The following TRIM14 variants were observed in gnomAD, a reference collection of about 807,000 sequenced individuals.
TRIM14 encodes tripartite motif-containing protein 14.
A neutral mutation model predicts 44.5 loss-of-function variants in TRIM14; 28 were observed. The ratio of observed to expected loss-of-function variants is 0.63; its 90% CI spans 0.47 to 0.86. The LOEUF is 0.86. TRIM14 is among the 40% of genes least tolerant of loss of function. The pLI is 0.00. For missense variants in TRIM14, 607 were observed against 611.1 expected (o/e 0.99, Z 0.07); for synonymous variants, 299 against 269.2 (o/e 1.11, Z -1.08).
the TRIM14 span, among the ~76,000 whole-genome samples, chr9:98,038,785 T>A: frequency 6.6e-6 from 1 of 152,036 alleles, no homozygotes; most frequent in Non-Finnish European, 1.5e-5. Context: ...GTGTGGTGGC[T>A]CATGCCTGTA....
At chr9:98,043,122 A>G in the TRIM14 span, among the ~76,000 whole-genome samples, 1 of 151,862 alleles carries the variant, frequency 6.6e-6, no homozygotes, top group Non-Finnish European at 1.5e-5. Context: ...AGACTTGCAA[A>G]TTCTTGATAA....
chr9:98,076,586 G>C (rs1829602139), intron 6 of TRIM14: 1 of 262,972 alleles, frequency 3.8e-6, no homozygotes, highest in Admixed American at 6.1e-5. Flanking sequence ...TGTTGGTCAG[G>C]CTAGTCTCAA....
At chr9:98,063,850 T>C in the TRIM14 span, among the ~76,000 whole-genome samples, 2 of 150,624 alleles carry the variant, frequency 1.3e-5, no homozygotes, top group African/African-American at 4.9e-5. Context: ...GCCTGTTTTT[T>C]TGTGCTAATA....
intron 3 of TRIM14, 57 bp downstream of exon 3, chr9:98,099,874 T>G: frequency 6.7e-7 from 1 of 1,489,394 alleles, no homozygotes; most frequent in Non-Finnish European, 9.3e-7. Context: ...GCCACAATAC[T>G]TGAGATGAAG....
chr9:98,119,174 C>T lies in TRIM14; in HGVS notation c.15G>A (p.Ala5=). The T allele has an allele frequency of 6.4e-7, 1 of 1,573,724 alleles. No homozygotes were observed. Among genetic ancestry groups the T allele is most frequent in the Non-Finnish European group, 8.5e-7 (1 of 1,170,390 alleles). ...ACCTCCCAGGGGTCCGGCTCCCGGTCGCCGCGCCCGCCATTCATCTCCACC... is the reference window on the plus strand; with the variant it reads ...ACCTCCCAGGGGTCCGGCTCCCGGTTGCCGCGCCCGCCATTCATCTCCACC... MAGA[A]TGSRTPGRSE... Residue 5 remains alanine (A), a synonymous_variant, in exon 1 of 6, where the codon GCG becomes GCA. Coordinates refer to ENST00000341469, the MANE Select transcript of TRIM14 (RefSeq NM_014788.4).
chr9:98,111,667 C>T (rs752727006), intron 1 of TRIM14, among the ~76,000 whole-genome samples: 11 of 152,126 alleles, frequency 7.2e-5, no homozygotes, highest in African/African-American at 1.7e-4. Flanking sequence ...AGGCTGGACA[C>T]GGTGGCTAAC....
At chr9:98,056,992 CG>C in the TRIM14 span, 60 of 1,499,374 alleles carry the variant, frequency 4.0e-5, no homozygotes, top group Non-Finnish European at 5.1e-5. Flanking sequence ...AGGGGCGGGG[CG>C]GGGCCGCGGG....
At chr9:98,080,762 A>C, downstream of TRIM14, 14 of 1,522,392 alleles carry the variant, frequency 9.2e-6, no homozygotes, top group Non-Finnish European at 1.2e-5. Context: ...CACCTGGAGA[A>C]TATGCATAAA....
chr9:98,078,354 A>AGGAG, intron 6 of TRIM14: 1 of 1,613,166 alleles, frequency 6.2e-7, no homozygotes, highest in Non-Finnish European at 8.5e-7. Context: ...CTCGGTGAGC[A>AGGAG]GGAGGGAGGG....
At chr9:98,114,643 A>G (rs1587978861) in intron 1 of TRIM14, among the ~76,000 whole-genome samples, 3 of 152,140 alleles carry the variant, frequency 2.0e-5, no homozygotes, top group African/African-American at 7.2e-5. Context: ...TTTTACTTTG[A>G]TTCTTTTAAA....
intron 2 of TRIM14, among the ~76,000 whole-genome samples, chr9:98,109,103 C>T (rs567618987): frequency 6.6e-6 from 1 of 152,092 alleles, no homozygotes; most frequent in African/African-American, 2.4e-5. Context: ...AGGCTGGTCT[C>T]GAACTCCTGG....
the TRIM14 span, among the ~76,000 whole-genome samples, chr9:98,048,181 C>T: frequency 2.6e-5 from 4 of 152,036 alleles, no homozygotes; most frequent in African/African-American, 7.2e-5. Flanking sequence ...GATTGCTTTG[C>T]AATTAAATGC....
intron 3 of TRIM14, among the ~76,000 whole-genome samples, chr9:98,099,188 C>A (rs1029968834): frequency 3.9e-5 from 6 of 151,996 alleles, no homozygotes; most frequent in Admixed American, 6.6e-5. Flanking sequence ...TGCGGTGGCT[C>A]ACACCTATAA....
Position 98,085,312 on chromosome 9 carries a change from GC to G in TRIM14, c.*2157del, listed in dbSNP as rs1825734871. ...CACAGACCTGGAACTCACAGCCTGG[GC>G]CCAGACTCCAGCTCCACCACTAGCT... On this transcript the variant is annotated 3_prime_UTR_variant, in exon 6 of 6. Transcript: ENST00000341469. 1 of 152,372 alleles carries G rather than the reference GC, an allele frequency of 6.6e-6. No individual in the cohort carries two copies. The highest frequency in any genetic ancestry group is 2.4e-5 in the African/African-American group (1 of 41,434). The allele number at this position is 152,372 out of a possible 1,614,324, so 9.4% of individuals were successfully genotyped here.
chr9:98,090,627 G>A (rs1039474045), intron 5 of TRIM14, among the ~76,000 whole-genome samples: 1 of 145,904 alleles, frequency 6.9e-6, no homozygotes, highest in African/African-American at 2.6e-5. Context: ...GCAGTAGTGC[G>A]ACCTCGGCTC....
At chr9:98,081,223 T>G, downstream of TRIM14, 5 of 1,072,004 alleles carry the variant, frequency 4.7e-6, no homozygotes, top group Non-Finnish European at 6.6e-6. Flanking sequence ...CCGTGTCAGC[T>G]TCTTCAGGCT....
chr9:98,094,115 C>CGAAGACTGT (rs1222828550), intron 4 of TRIM14, among the ~76,000 whole-genome samples: 1 of 152,166 alleles, frequency 6.6e-6, no homozygotes, highest in African/African-American at 2.4e-5. Context: ...TCTTCCCCTA[C>CGAAGACTGT]GAAGACTGTG....
chr9:98,106,607 G>A (rs544523469), intron 2 of TRIM14, among the ~76,000 whole-genome samples: 1 of 152,124 alleles, frequency 6.6e-6, no homozygotes, highest in African/African-American at 2.4e-5. Context: ...CCTTATGAAG[G>A]CCACTTAGGT....
chr9:98,092,426 C>T (rs1243735438), intron 4 of TRIM14: 1 of 310,998 alleles, frequency 3.2e-6, no homozygotes, highest in Non-Finnish European at 6.6e-6. Context: ...GCCTGGACAG[C>T]CCCCCCACAC....
Sources: gnomAD v4.1 joint callset for allele counts (sites outside exome capture counted in the v4.1 genomes callset) on GRCh38, gnomAD v4.1.1 for gene constraint, MANE v1.5 for transcripts, NCBI Gene and HGNC (gene_info 2026-07-23, HGNC 2026-07-21) for gene names.